The following ATXN1 variants were observed in gnomAD, a reference collection of about 807,000 sequenced individuals.
ATXN1 encodes the protein ataxin 1.
In ATXN1, 8 loss-of-function variants were observed where a neutral mutation model predicts 56.4. That is an observed-to-expected ratio of 0.14 (90% CI 0.08 to 0.26). The LOEUF (loss-of-function observed/expected upper bound fraction) is 0.26. Among genes scored for constraint, ATXN1 ranks in the 10% least tolerant of loss-of-function variants. The pLI is 1.00. For missense variants in ATXN1, 987 were observed against 1,106.5 expected (o/e 0.89, Z 1.53); for synonymous variants, 514 against 494.6 (o/e 1.04, Z -0.52).
At chr6:16,729,379 C>T (rs1759918362) in intron 2 of ATXN1, among the ~76,000 whole-genome samples, 1 of 152,094 alleles carries the variant, frequency 6.6e-6, no homozygotes, top group Admixed American at 6.5e-5. Context: ...TATAAGCGTT[C>T]GCTGGCTTTC....
rs1247339505 is a variant in ATXN1, at chr6:16,760,225, A to G, written c.-730+1073T>C. ...CTCCAGGGCGCATCCCAATCCCCGC[A>G]GCGCCTCCTCCGCGGCGGCCGCCGC... is the stretch of plus-strand genomic sequence containing the variant. On this transcript the variant is annotated intron_variant, in intron 1 of 7. Coordinates refer to ENST00000436367, the MANE Select transcript of ATXN1 (RefSeq NM_001128164.2). The surrounding 1 kb of genome is among the most constrained non-coding windows in gnomAD (Gnocchi z 5.3). Among the ~76,000 whole-genome samples the G allele has an allele frequency of 6.6e-6, 1 of 151,330 alleles. No homozygotes were observed. Among genetic ancestry groups the G allele is most frequent in the African/African-American group, 2.4e-5 (1 of 41,118 alleles).
chr6:16,650,822 G>A (rs776534038), intron 3 of ATXN1, among the ~76,000 whole-genome samples: 6 of 152,068 alleles, frequency 3.9e-5, no homozygotes, highest in Admixed American at 1.3e-4. Context: ...TCTGTCCGTC[G>A]TTTTCCTTTT....
chr6:16,415,704 C>A (rs1280144298), intron 6 of ATXN1, among the ~76,000 whole-genome samples: 1 of 152,230 alleles, frequency 6.6e-6, no homozygotes, highest in Admixed American at 6.5e-5. Flanking sequence ...CCACAGGTAA[C>A]CACCTTAATT....
At chr6:16,421,234 A>G (rs1444551135) in intron 6 of ATXN1, among the ~76,000 whole-genome samples, 3 of 152,208 alleles carry the variant, frequency 2.0e-5, no homozygotes, top group Non-Finnish European at 2.9e-5. Context: ...GAGTGTGAGA[A>G]GACATGAGTT....
At chr6:16,512,318 T>G (rs1012760158) in intron 5 of ATXN1, among the ~76,000 whole-genome samples, 3 of 152,194 alleles carry the variant, frequency 2.0e-5, no homozygotes, top group Non-Finnish European at 4.4e-5. Context: ...GCTATGGAAT[T>G]TATTATGATC....
intron 4 of ATXN1, among the ~76,000 whole-genome samples, chr6:16,579,975 A>C (rs1230204612): frequency 6.6e-6 from 1 of 152,234 alleles, no homozygotes; most frequent in Admixed American, 6.5e-5. Context: ...AATCTAAAAA[A>C]TTACCAGTGA....
At chr6:16,321,534 T>C (rs866360440) in intron 7 of ATXN1, among the ~76,000 whole-genome samples, 5 of 152,210 alleles carry the variant, frequency 3.3e-5, no homozygotes, top group South Asian at 2.1e-4. Context: ...GGGGGATGCA[T>C]AGACGCTTTG....
rs551527056 is a variant in ATXN1, at chr6:16,342,568, C to A, written c.-160-14098G>T. Among the ~76,000 whole-genome samples, 24 of 152,238 alleles carry A rather than the reference C, an allele frequency of 1.6e-4. 3 individuals carry two copies. Among genetic ancestry groups the A allele is most frequent in the African/African-American group, 5.5e-4 (23 of 41,534 alleles). ...AGCAGGGACTCAGATATTCCACACC[C>A]GTGTTCATAGCAGCATTGTGCACAC... On this transcript the variant is annotated intron_variant, in intron 6 of 7. Coordinates refer to ENST00000436367, the MANE Select transcript of ATXN1 (RefSeq NM_001128164.2).
chr6:16,366,220 T>A (rs868312076), intron 6 of ATXN1, among the ~76,000 whole-genome samples: 1 of 152,180 alleles, frequency 6.6e-6, no homozygotes, highest in Admixed American at 6.5e-5. Flanking sequence ...ATAACAGTTC[T>A]AATACTATCT....
chr6:16,590,392 G>A (rs1395977835), intron 3 of ATXN1, among the ~76,000 whole-genome samples: 2 of 152,198 alleles, frequency 1.3e-5, no homozygotes, highest in Non-Finnish European at 2.9e-5. Context: ...GAATGAACTG[G>A]TAATAGTTAT....
At chr6:16,419,481 T>A (rs746803134) in intron 6 of ATXN1, among the ~76,000 whole-genome samples, 4 of 151,932 alleles carry the variant, frequency 2.6e-5, no homozygotes, top group Non-Finnish European at 5.9e-5. Flanking sequence ...ATATTTTGAG[T>A]AATTTAAAAT....
intron 2 of ATXN1, among the ~76,000 whole-genome samples, chr6:16,677,208 TGAC>T (rs1222212910): frequency 6.6e-6 from 1 of 152,096 alleles, no homozygotes; most frequent in Non-Finnish European, 1.5e-5. Context: ...CGCTGAGAGA[TGAC>T]GAGCAAAGAA....
intron 4 of ATXN1, among the ~76,000 whole-genome samples, chr6:16,558,054 G>C (rs1035721665): frequency 3.5e-4 from 54 of 152,222 alleles, no homozygotes; most frequent in African/African-American, 1.3e-3. Flanking sequence ...ATGGGTAAAG[G>C]TTTTCTTTTT....
chr6:16,629,867 A>C (rs1024593044), intron 3 of ATXN1, among the ~76,000 whole-genome samples: 7 of 151,480 alleles, frequency 4.6e-5, no homozygotes, highest in Non-Finnish European at 7.4e-5. Context: ...CAGTGAGCCG[A>C]GATCACACCA....
At chr6:16,362,098 C>T (rs949414661) in intron 6 of ATXN1, among the ~76,000 whole-genome samples, 3 of 152,226 alleles carry the variant, frequency 2.0e-5, no homozygotes, top group Admixed American at 2.0e-4. Context: ...GTAGACATTC[C>T]GTAACTGGTG....
At chr6:16,333,265 ACAACT>A (rs1250555497) in intron 6 of ATXN1, among the ~76,000 whole-genome samples, 2 of 152,368 alleles carry the variant, frequency 1.3e-5, no homozygotes, top group African/African-American at 4.8e-5. Context: ...AATTTTATAC[ACAACT>A]CAATCATTCC....
intron 7 of ATXN1, among the ~76,000 whole-genome samples, chr6:16,308,279 T>C (rs1327196112): frequency 1.3e-5 from 2 of 149,482 alleles, no homozygotes; most frequent in Non-Finnish European, 3.0e-5. Context: ...TGAACCGAGA[T>C]CATGCCACTT....
At chr6:16,324,655 C>T (rs1760759751) in intron 7 of ATXN1, among the ~76,000 whole-genome samples, 1 of 152,186 alleles carries the variant, frequency 6.6e-6, no homozygotes, top group African/African-American at 2.4e-5. Context: ...GCCAGGAAAG[C>T]TCTCAGCTGC....
rs569986168 is a variant in ATXN1, at chr6:16,676,164, C to T, written c.-614-18263G>A. Among the ~76,000 whole-genome samples, 8 of 151,914 alleles carry T rather than the reference C, an allele frequency of 5.3e-5. No homozygotes were observed. In the South Asian group the frequency reaches 6.2e-4, roughly 12 times the overall value. On this transcript the variant is annotated intron_variant, in intron 2 of 7. Transcript: ENST00000436367. ...GGTAAGTGTGAGTGAGTTTGCAATT[C>T]GATGAAAAAAATATATATACAACTG...
Sources: gnomAD v4.1 joint callset for allele counts (sites outside exome capture counted in the v4.1 genomes callset) on GRCh38, gnomAD v4.1.1 for gene constraint, Gnocchi (gnomAD v3.1) non-coding constraint, MANE v1.5 for transcripts, NCBI Gene and HGNC (gene_info 2026-07-23, HGNC 2026-07-21) for gene names.